The following POGK variants were observed in gnomAD, a reference collection of about 807,000 sequenced individuals.
The protein encoded by POGK is pogo transposable element derived with KRAB domain.
A neutral mutation model predicts 54.4 loss-of-function variants in POGK; 16 were observed. The ratio of observed to expected loss-of-function variants is 0.29; its 90% CI spans 0.20 to 0.45. POGK has a LOEUF of 0.45. Ranked by LOEUF, POGK falls within the 20% of genes least tolerant of loss-of-function variation. The pLI is 1.00. For missense variants in POGK, 515 were observed against 795.6 expected, an observed-to-expected ratio of 0.65 and a Z score of 4.24; for synonymous variants, 271 against 302.2, an observed-to-expected ratio of 0.90 and a Z score of 1.07.
rs770004241 is a variant in POGK at position 166,846,650 on chromosome 1, C to T, written c.171C>T (p.Ser57=). 1.5e-5 allele frequency: 24 copies of T among 1,614,102 alleles called. No homozygotes were observed. The highest frequency in any genetic ancestry group is 1.9e-5 in the Non-Finnish European group (22 of 1,180,016). Residue 57 remains serine (S), a synonymous_variant, in exon 3 of 6, where the codon TCC becomes TCT. Transcript: ENST00000367876. ...TTGATGAGGTGGCCATATATTTTTC[C>T]GATGAGGAATGGGAAGTTTTGACGG... is the stretch of plus-strand genomic sequence containing the variant. ...ALFDEVAIYF[S]DEEWEVLTEQ...
rs2101777865 is a variant in POGK at position 166,854,151 on chromosome 1, C to T, written c.*1581C>T. On this transcript the variant is annotated 3_prime_UTR_variant, in exon 6 of 6. Transcript: ENST00000367876. ...GTTCCTTCCTTGGAGCCATAGTTACCCTGCCAAGAAGAGTAGAAAATGGGT... is the reference window on the plus strand; with the variant it reads ...GTTCCTTCCTTGGAGCCATAGTTACTCTGCCAAGAAGAGTAGAAAATGGGT... 6.5e-6 allele frequency: 1 copy of T among 152,690 alleles called. No homozygotes were observed. The highest frequency in any genetic ancestry group is 2.1e-4 in the South Asian group (1 of 4,822). 9.5% of individuals were successfully genotyped at this position (152,690 alleles called of 1,614,324 possible). A position where few individuals can be genotyped will look rare whatever the true frequency, so the allele number is the denominator to read the frequency against.
At position 166,855,586 on chromosome 1, in the gene POGK, G is replaced by T. The variant is rs1254558270; in HGVS notation, c.*3016G>T. 3 of 152,296 alleles carry T rather than the reference G, an allele frequency of 2.0e-5. No homozygotes were observed. Among genetic ancestry groups the T allele is most frequent in the African/African-American group, 7.2e-5 (3 of 41,460 alleles). 9.4% of individuals were successfully genotyped at this position (152,296 alleles called of 1,614,324 possible). A position where few individuals can be genotyped will look rare whatever the true frequency, so the allele number is the denominator to read the frequency against. On this transcript the variant is annotated 3_prime_UTR_variant, in exon 6 of 6. Coordinates refer to ENST00000367876, the MANE Select transcript of POGK (RefSeq NM_017542.5). The stretch of plus-strand genomic sequence containing the variant: ...CATAGGAAAATTGGCATGGAGAGCA[G>T]ATAGTAGAGTGTAGACCTGAAATAC...
At chr1:166,841,362 G>A (rs559672748) in intron 2 of POGK, among the ~76,000 whole-genome samples, 1 of 152,350 alleles carries the variant, frequency 6.6e-6, no homozygotes, top group Non-Finnish European at 1.5e-5. Flanking sequence ...CACTTATCCT[G>A]CACTGCGTTT....
Position 166,849,998 on chromosome 1 carries a change from C to T in POGK, c.1419C>T (p.Phe473=). 1 of 1,614,208 alleles carries T rather than the reference C, an allele frequency of 6.2e-7. No homozygotes were observed. The highest frequency in any genetic ancestry group is 8.5e-7 in the Non-Finnish European group (1 of 1,180,028). ...GAGGGATGCTGATCTTGAATGGCTT[C>T]CGGGGCCATGCCACAGATTCCGTGA... ...KQRGMLILNG[F]RGHATDSVKN... Residue 473 remains phenylalanine, a synonymous_variant, in exon 5 of 6, where the codon TTC becomes TTT. Coordinates refer to ENST00000367876, the MANE Select transcript of POGK (RefSeq NM_017542.5).
intron 2 of POGK, among the ~76,000 whole-genome samples, chr1:166,844,377 A>C (rs1351280805): frequency 1.3e-5 from 2 of 152,210 alleles, no homozygotes; most frequent in Admixed American, 1.3e-4. Context: ...GGAGAAAAAA[A>C]GGCCAAAGAG....
intron 2 of POGK, among the ~76,000 whole-genome samples, chr1:166,844,658 C>G (rs1362201424): frequency 6.6e-6 from 1 of 152,174 alleles, no homozygotes; most frequent in Non-Finnish European, 1.5e-5. Flanking sequence ...TATTCAAAAG[C>G]ACATTTTTCA....
intron 5 of POGK, chr1:166,851,231 G>A (rs1200229738): frequency 6.6e-6 from 1 of 152,162 alleles, no homozygotes; most frequent in Non-Finnish European, 1.5e-5. Context: ...GACATAGGGA[G>A]AACACTAAGT....
intron 4 of POGK, among the ~76,000 whole-genome samples, chr1:166,848,625 T>C (rs1370990853): frequency 2.0e-5 from 3 of 152,206 alleles, no homozygotes; most frequent in East Asian, 3.8e-4. Flanking sequence ...TTGGTTCCTC[T>C]GTTGAGTTCC....
intron 2 of POGK, among the ~76,000 whole-genome samples, chr1:166,844,881 C>T (rs191990690): frequency 1.5e-3 from 225 of 152,184 alleles, no homozygotes; most frequent in Middle Eastern, 6.8e-3. Context: ...TGGGCTTCCT[C>T]GGGAGCAGGG....
intron 2 of POGK, among the ~76,000 whole-genome samples, chr1:166,843,182 C>T (rs1010140135): frequency 1.3e-5 from 2 of 152,294 alleles, no homozygotes; most frequent in South Asian, 4.1e-4. Flanking sequence ...ACAGCACAGG[C>T]AAAAGCACTG....
chr1:166,849,584 G>A lies in POGK; in HGVS notation c.1005G>A (p.Leu335=), dbSNP rs890794290. ...VPVPQHLPED[L]TEKLVTYQRS... is the part of the protein sequence containing the mutation. ...TGCCCCAGCACCTGCCGGAAGACCT[G>A]ACTGAGAAACTCGTCACTTACCAGC... is the stretch of plus-strand genomic sequence containing the variant. The change falls in exon 5 of 6, where the codon CTG becomes CTA. Residue 335 remains leucine (L), a synonymous_variant. Coordinates refer to ENST00000367876, the MANE Select transcript of POGK (RefSeq NM_017542.5). 3 of 1,614,158 alleles carry A rather than the reference G, an allele frequency of 1.9e-6. No individual in the cohort carries two copies. The African/African-American group carries it at 4.0e-5, about 22-fold the overall frequency.
rs146899444 is a variant in POGK, at chr1:166,846,869, A to G, written c.259+131A>G. 2,951 of 1,252,064 alleles carry G rather than the reference A, an allele frequency of 2.4e-3. 6 individuals carry two copies. The highest frequency in any genetic ancestry group is 8.1e-3 in the Middle Eastern group (38 of 4,680). The allele number at this position is 1,252,064 out of a possible 1,614,324, so 77.6% of individuals were successfully genotyped here. ...CTCTGCCTCCTCAATGTCTGTGCCC[A>G]TTTATTCCAATTTTTGATTTGGGCA... is the stretch of plus-strand genomic sequence containing the variant. On this transcript the variant is annotated intron_variant, in intron 3 of 5. Coordinates refer to ENST00000367876, the MANE Select transcript of POGK (RefSeq NM_017542.5).
At position 166,850,062 on chromosome 1, in the gene POGK, A is replaced by C. The variant is rs1320635379; in HGVS notation, c.1483A>C (p.Ile495Leu). The change falls in exon 5 of 6, where the codon ATC becomes CTC. Residue 495 changes from isoleucine to leucine, a missense_variant. Transcript: ENST00000367876. ...AAGCATGAACACTGACATGGTGATC[A>C]TCCCAGGGGGTCTGACCTCACAGCT... ...MESMNTDMVI[I>L]PGGLTSQLQV... The C allele has an allele frequency of 1.2e-6, 2 of 1,614,218 alleles. No homozygotes were observed. Among genetic ancestry groups the C allele is most frequent in the Non-Finnish European group, 1.7e-6 (2 of 1,180,032 alleles).
intron 3 of POGK, 96 bp downstream of exon 3, chr1:166,846,834 T>C (rs779399023): frequency 1.7e-4 from 258 of 1,497,480 alleles, no homozygotes; most frequent in Non-Finnish European, 2.3e-4. Context: ...CCCTCTCTCC[T>C]GAACTTAGAC....
rs115143429 is a variant in POGK at position 166,841,815 on chromosome 1, G to A, written c.132+727G>A. Among the ~76,000 whole-genome samples, 689 of 152,162 alleles carry A rather than the reference G, an allele frequency of 4.5e-3. 5 individuals are homozygous for A. Among genetic ancestry groups the A allele is most frequent in the African/African-American group, 0.015 (605 of 41,506 alleles). ...ATAGTATCCTTTGCTTCCATGAAGA[G>A]CCCCTATCCATACAAGCATGGTACT... On this transcript the variant is annotated intron_variant, in intron 2 of 5. Transcript: ENST00000367876.
chr1:166,846,162 C>T (rs1657840110), intron 2 of POGK, among the ~76,000 whole-genome samples: 1 of 152,114 alleles, frequency 6.6e-6, no homozygotes, highest in African/African-American at 2.4e-5. Flanking sequence ...CCCAACTCAC[C>T]CCGCCCGGGG....
intron 3 of POGK, among the ~76,000 whole-genome samples, 191 bp downstream of exon 3, chr1:166,846,929 C>G (rs527952013): frequency 1.3e-4 from 20 of 152,262 alleles, no homozygotes; most frequent in African/African-American, 4.3e-4. Flanking sequence ...CTCGGCAATC[C>G]GTGCTGCCTC....
intron 5 of POGK, chr1:166,851,625 C>G (rs952501161): frequency 6.6e-6 from 1 of 152,170 alleles, no homozygotes; most frequent in Non-Finnish European, 1.5e-5. Flanking sequence ...CCTACACCTC[C>G]AGAGAGGAGG....
chr1:166,843,413 G>A (rs1657618661), intron 2 of POGK, among the ~76,000 whole-genome samples: 1 of 152,242 alleles, frequency 6.6e-6, no homozygotes, highest in African/African-American at 2.4e-5. Context: ...GCTCTCTACA[G>A]CCACCATGCT....
Sources: allele counts gnomAD v4.1 joint callset (sites outside exome capture counted in the v4.1 genomes callset), GRCh38; gene constraint gnomAD v4.1.1; transcripts MANE v1.5; gene names NCBI Gene and HGNC (gene_info 2026-07-23, HGNC 2026-07-21).